Variants in CWF19L2 observed in about 807,000 individuals in gnomAD.
The protein encoded by CWF19L2 is CWF19-like protein 2.
A neutral mutation model predicts 111.7 loss-of-function variants in CWF19L2; 98 were observed. The ratio of observed to expected loss-of-function variants is 0.88; its 90% CI spans 0.75 to 1.04. The LOEUF (loss-of-function observed/expected upper bound fraction) is 1.04. Ranked by LOEUF, CWF19L2 falls within the 50% of genes least tolerant of loss-of-function variation. The pLI is 0.00. For missense variants in CWF19L2, 1,101 were observed against 1,051.4 expected (o/e 1.05, Z -0.65); for synonymous variants, 351 against 342.9 (o/e 1.02, Z -0.26).
chr11:107,389,819 G>A (rs1860821769), intron 12 of CWF19L2, among the ~76,000 whole-genome samples: 1 of 152,124 alleles, frequency 6.6e-6, no homozygotes, highest in Non-Finnish European at 1.5e-5. Flanking sequence ...TAGAGGAAAT[G>A]TATAATTAAA....
chr11:107,391,938 A>T (rs1860854391), intron 11 of CWF19L2, among the ~76,000 whole-genome samples: 1 of 152,188 alleles, frequency 6.6e-6, no homozygotes, highest in African/African-American at 2.4e-5. Flanking sequence ...GCTCAGTAAT[A>T]TGCAACTCAA....
chr11:107,337,684 G>A (rs1859948380), intron 14 of CWF19L2, among the ~76,000 whole-genome samples: 1 of 152,166 alleles, frequency 6.6e-6, no homozygotes, highest in Non-Finnish European at 1.5e-5. Context: ...GGAGGCCGAG[G>A]TGGGTAGGTC....
rs193302504 is a variant in CWF19L2 at position 107,423,610 on chromosome 11, A to T, written c.1433+5189T>A. ...CATCTCAACATCGGCCAACTAAGAA[A>T]CCAAAGAACCAAAGAAAGGTTCTTT... is the stretch of plus-strand genomic sequence containing the variant. On this transcript the variant is annotated intron_variant, in intron 8 of 17. Coordinates refer to ENST00000282251, the MANE Select transcript of CWF19L2 (RefSeq NM_152434.3). 1.1e-4 allele frequency among the ~76,000 whole-genome samples: 16 copies of T among 152,062 alleles called. No homozygotes were observed. In the East Asian group the frequency reaches 2.7e-3, roughly 26 times the overall value.
At chr11:107,357,774 C>A (rs1860260225) in intron 12 of CWF19L2, among the ~76,000 whole-genome samples, 2 of 152,260 alleles carry the variant, frequency 1.3e-5, no homozygotes, top group African/African-American at 2.4e-5. Context: ...ATCATATATA[C>A]CTCTTCTATG....
chr11:107,385,215 G>A (rs1253373935), intron 12 of CWF19L2, among the ~76,000 whole-genome samples: 2 of 151,600 alleles, frequency 1.3e-5, no homozygotes, highest in African/African-American at 2.4e-5. Context: ...ATCCCAATGT[G>A]AAATCAGCAT....
chr11:107,403,641 TCTC>T (rs1203109719), intron 10 of CWF19L2: 24 of 775,786 alleles, frequency 3.1e-5, no homozygotes, highest in Non-Finnish European at 3.8e-5. Context: ...TCGTCTTTCT[TCTC>T]CTCACCTTTG....
intron 8 of CWF19L2, among the ~76,000 whole-genome samples, chr11:107,428,574 AC>A (rs1248313228): frequency 7.0e-6 from 1 of 142,012 alleles, no homozygotes; most frequent in African/African-American, 2.7e-5. Context: ...CATATTTTGA[AC>A]AAATATAGCT....
Position 107,326,599 on chromosome 11 carries a change from A to G in CWF19L2, c.*311T>C, listed in dbSNP as rs1859764070. 4.7e-6 allele frequency: 1 copy of G among 213,078 alleles called. No homozygotes were observed. The highest frequency in any genetic ancestry group is 2.3e-5 in the African/African-American group (1 of 43,932). The allele number at this position is 213,078 out of a possible 1,614,324, so 13.2% of individuals were successfully genotyped here. ...CAAGGATTTCCTATGCTTTTTAGAT[A>G]TCCCTTCAGAAAAGGCCTTCTCTAA... On this transcript the variant is annotated 3_prime_UTR_variant, in exon 18 of 18. Coordinates refer to ENST00000282251, the MANE Select transcript of CWF19L2 (RefSeq NM_152434.3).
intron 12 of CWF19L2, among the ~76,000 whole-genome samples, chr11:107,380,688 G>T (rs1565261299): frequency 6.6e-6 from 1 of 152,120 alleles, no homozygotes; most frequent in Non-Finnish European, 1.5e-5. Flanking sequence ...GTCAAACATA[G>T]GGTTACCATA....
chr11:107,421,429 CAATA>C (rs1861301659), intron 8 of CWF19L2, among the ~76,000 whole-genome samples: 1 of 151,700 alleles, frequency 6.6e-6, no homozygotes, highest in East Asian at 1.9e-4. Context: ...AATAGAAAAA[CAATA>C]AATTCAGTGA....
intron 10 of CWF19L2, among the ~76,000 whole-genome samples, chr11:107,407,251 TA>T (rs1434958796): frequency 6.6e-6 from 1 of 152,172 alleles, no homozygotes; most frequent in Non-Finnish European, 1.5e-5. Flanking sequence ...AACAATCTGT[TA>T]TGCAGTCTAC....
chr11:107,438,942 A>T (rs953088769), intron 6 of CWF19L2, 148 bp downstream of exon 6: 45 of 529,616 alleles, frequency 8.5e-5, no homozygotes, highest in Non-Finnish European at 1.3e-4. Context: ...TGGGAGGCTG[A>T]GGTGGGAGGA....
intron 12 of CWF19L2, among the ~76,000 whole-genome samples, chr11:107,356,922 C>T (rs890658350): frequency 1.3e-5 from 2 of 152,096 alleles, no homozygotes; most frequent in Non-Finnish European, 2.9e-5. Context: ...CCTGTAATCC[C>T]AGCTACTCAG....
chr11:107,405,345 C>CTTTT (rs1861061197), intron 10 of CWF19L2, among the ~76,000 whole-genome samples: 1 of 152,088 alleles, frequency 6.6e-6, no homozygotes, highest in Admixed American at 6.5e-5. Flanking sequence ...AATCTTGGTT[C>CTTTT]TATACTATTA....
intron 10 of CWF19L2, among the ~76,000 whole-genome samples, chr11:107,415,085 A>G (rs1442632315): frequency 6.6e-6 from 1 of 152,162 alleles, no homozygotes; most frequent in African/African-American, 2.4e-5. Context: ...GCTTAACATG[A>G]TCTGGCCACC....
intron 14 of CWF19L2, among the ~76,000 whole-genome samples, chr11:107,346,486 AG>A (rs1185155886): frequency 2.0e-5 from 3 of 152,206 alleles, no homozygotes; most frequent in Non-Finnish European, 4.4e-5. Context: ...AAAGAAGGTT[AG>A]CAGGGATAGC....
chr11:107,401,132 A>C (rs1025751001), intron 10 of CWF19L2, among the ~76,000 whole-genome samples: 1 of 152,204 alleles, frequency 6.6e-6, no homozygotes, highest in African/African-American at 2.4e-5. Context: ...AAAAGTTGAA[A>C]GCATTCTCTC....
intron 3 of CWF19L2, among the ~76,000 whole-genome samples, chr11:107,453,924 G>A (rs1861816191): frequency 6.6e-6 from 1 of 151,778 alleles, no homozygotes; most frequent in African/African-American, 2.4e-5. Flanking sequence ...AGGCCCCTCT[G>A]CCTGTGAAAA....
At chr11:107,372,956 T>A (rs61646925) in intron 12 of CWF19L2, among the ~76,000 whole-genome samples, 1 of 108,488 alleles carries the variant, frequency 9.2e-6, no homozygotes. Context: ...ATTGCCTCAC[T>A]TGGGAAGTGC....
Sources: gnomAD v4.1 joint callset for allele counts (sites outside exome capture counted in the v4.1 genomes callset) on GRCh38, gnomAD v4.1.1 for gene constraint, MANE v1.5 for transcripts, NCBI Gene and HGNC (gene_info 2026-07-23, HGNC 2026-07-21) for gene names.